The following OXNAD1 variants were observed in gnomAD, a reference collection of about 807,000 sequenced individuals.
OXNAD1 encodes the protein oxidoreductase NAD binding domain containing 1, also known as oxidoreductase NAD-binding domain-containing protein 1.
OXNAD1 carries 34 observed loss-of-function variants against 32.9 expected under a neutral mutation model. The observed-to-expected ratio is 1.03, with a 90% confidence interval of 0.79 to 1.38. The LOEUF is 1.38. Ranked by LOEUF, OXNAD1 falls within the 40% of genes most tolerant of loss-of-function variation. The pLI, the probability that OXNAD1 is intolerant of heterozygous loss-of-function variation, is 0.00. For missense variants in OXNAD1, 407 were observed against 379.4 expected (o/e 1.07, Z -0.60); for synonymous variants, 134 against 135.2 (o/e 0.99, Z 0.06).
chr3:16,330,897 T>C (rs887909638), intron 9 of OXNAD1, among the ~76,000 whole-genome samples: 1 of 152,238 alleles, frequency 6.6e-6, no homozygotes, highest in South Asian at 2.1e-4. Flanking sequence ...AATTCATAAA[T>C]TGGTCCAGTG....
intron 1 of OXNAD1, among the ~76,000 whole-genome samples, chr3:16,268,027 G>T (rs2064656498): frequency 6.6e-6 from 1 of 152,120 alleles, no homozygotes; most frequent in South Asian, 2.1e-4. Flanking sequence ...AGGCCTGTGA[G>T]GATACAGACA....
chr3:16,315,112 T>C (rs2068248331), intron 9 of OXNAD1: 1 of 134,094 alleles, frequency 7.5e-6, no homozygotes, highest in African/African-American at 2.5e-5. Flanking sequence ...TTACAAATGT[T>C]TGTGGTTTTG....
chr3:16,270,922 A>G (rs369662532), intron 2 of OXNAD1, 23 bp from the exon 3 acceptor site: 1 of 1,613,198 alleles, frequency 6.2e-7, no homozygotes, highest in Non-Finnish European at 8.5e-7. Context: ...ACAATTTGAA[A>G]TTTCAGTTTT....
At chr3:16,338,829 T>C (rs911987727), downstream of OXNAD1, among the ~76,000 whole-genome samples, 1 of 152,186 alleles carries the variant, frequency 6.6e-6, no homozygotes, top group Non-Finnish European at 1.5e-5. The surrounding 1 kb of genome is among the most constrained non-coding windows in gnomAD (Gnocchi z 5.3). Flanking sequence ...ATTAAAAAGT[T>C]GTTTATTTTG....
downstream of OXNAD1, among the ~76,000 whole-genome samples, chr3:16,340,441 A>C (rs898189253): frequency 3.3e-5 from 5 of 152,250 alleles, no homozygotes; most frequent in African/African-American, 1.2e-4. Flanking sequence ...TTCAGCTACC[A>C]GCTGACATAT....
Position 16,321,552 on chromosome 3 carries a change from G to A in OXNAD1, c.*31-15560G>A, listed in dbSNP as rs939330506. Reference sequence around the variant, plus strand: ...CTGAGGAGTGAGGAGGGGACACCCAGTGCAGAAGATTCTTCCAAGGAGTCT... The same window carrying A: ...CTGAGGAGTGAGGAGGGGACACCCAATGCAGAAGATTCTTCCAAGGAGTCT... On this transcript the variant is annotated intron_variant, in intron 9 of 9. Transcript: ENST00000435829. This position sits in a 1 kb window ranked among gnomAD's most constrained non-coding sequence, Gnocchi z 4.8. Among the ~76,000 whole-genome samples the A allele has an allele frequency of 6.6e-6, 1 of 152,184 alleles. No homozygotes were observed. Among genetic ancestry groups the A allele is most frequent in the African/African-American group, 2.4e-5 (1 of 41,418 alleles).
rs751738131 is a variant in OXNAD1 at position 16,301,679 on chromosome 3, C to T, written c.486C>T (p.Asp162=). Reference sequence around the variant, plus strand: ...GAGTGGGTGGAGAGTTCTTCTTTGACCCTCAGCCTGCGGATGCCTCTAGAA... The same window carrying T: ...GAGTGGGTGGAGAGTTCTTCTTTGATCCTCAGCCTGCGGATGCCTCTAGAA... ...AVRVGGEFFF[D]PQPADASRNL... The change falls in exon 7 of 9, where the codon GAC becomes GAT. Residue 162 remains aspartate (D), a synonymous_variant. Coordinates refer to ENST00000285083, the MANE Select transcript of OXNAD1 (RefSeq NM_138381.5). This position sits in a 1 kb window ranked among gnomAD's most constrained non-coding sequence, Gnocchi z 4.1. 3 of 1,613,880 alleles carry T rather than the reference C, an allele frequency of 1.9e-6. No homozygotes were observed. The highest frequency in any genetic ancestry group is 1.1e-5 in the South Asian group (1 of 91,078).
chr3:16,295,991 T>G (rs1294848311), intron 6 of OXNAD1, among the ~76,000 whole-genome samples: 1 of 152,148 alleles, frequency 6.6e-6, no homozygotes, highest in Non-Finnish European at 1.5e-5. Flanking sequence ...GTAGCAAATT[T>G]CATAGAGCAC....
At chr3:16,313,213 T>TC (rs1343513242) in intron 9 of OXNAD1, among the ~76,000 whole-genome samples, 1 of 148,458 alleles carries the variant, frequency 6.7e-6, no homozygotes, top group Non-Finnish European at 1.5e-5. Context: ...GGATTTTTTT[T>TC]TTTTTTTTTT....
Position 16,322,693 on chromosome 3 carries a change from G to A in OXNAD1, c.*31-14419G>A, listed in dbSNP as rs568450032. On this transcript the variant is annotated intron_variant, in intron 9 of 9. Coordinates refer to the OXNAD1 transcript ENST00000435829. This position sits in a 1 kb window ranked among gnomAD's most constrained non-coding sequence, Gnocchi z 6.2. ...CAAGGGTTGCCGACACTTGCACCTC[G>A]TACAGCCCTTGTGCTCAACCTTCAG... is the stretch of plus-strand genomic sequence containing the variant. 1.1e-3 allele frequency among the ~76,000 whole-genome samples: 164 copies of A among 152,288 alleles called. No homozygotes were observed. The highest frequency in any genetic ancestry group is 2.0e-3 in the Non-Finnish European group (134 of 68,028).
At chr3:16,349,099 A>T (rs778570263) in intron 9 of OXNAD1, 1 of 152,244 alleles carries the variant, frequency 6.6e-6, no homozygotes, top group South Asian at 2.1e-4. Flanking sequence ...CTTCCCCATC[A>T]TTATGGGAAG....
At chr3:16,313,970 C>G (rs1458632555) in intron 9 of OXNAD1, among the ~76,000 whole-genome samples, 1 of 152,162 alleles carries the variant, frequency 6.6e-6, no homozygotes, top group Non-Finnish European at 1.5e-5. Context: ...ACCCACTACC[C>G]TCTCCTGAGC....
At chr3:16,274,420 A>C (rs1362184797) in intron 4 of OXNAD1, among the ~76,000 whole-genome samples, 1 of 152,198 alleles carries the variant, frequency 6.6e-6, no homozygotes, top group East Asian at 1.9e-4. Flanking sequence ...ACTGGAATAA[A>C]ATTATAAAAG....
chr3:16,291,870 C>T (rs1293252578), intron 5 of OXNAD1, among the ~76,000 whole-genome samples: 1 of 152,136 alleles, frequency 6.6e-6, no homozygotes, highest in Non-Finnish European at 1.5e-5. Context: ...TATAAATGTT[C>T]CAATTTCTCC....
chr3:16,343,964 G>A (rs2071477559), intron 9 of OXNAD1, among the ~76,000 whole-genome samples: 1 of 152,194 alleles, frequency 6.6e-6, no homozygotes. Context: ...CCTCAAAAGT[G>A]AAGATCTGAG....
chr3:16,274,820 C>A (rs772951708), intron 4 of OXNAD1, among the ~76,000 whole-genome samples: 12 of 152,140 alleles, frequency 7.9e-5, no homozygotes, highest in Non-Finnish European at 1.6e-4. Flanking sequence ...ATTTATTCAC[C>A]GAATTTTAAC....
rs965808773 is a variant in OXNAD1 at position 16,288,619 on chromosome 3, G to A, written c.290+2171G>A. Among the ~76,000 whole-genome samples, 2 of 152,200 alleles carry A rather than the reference G, an allele frequency of 1.3e-5. No individual in the cohort carries two copies. The highest frequency in any genetic ancestry group is 6.5e-5 in the Admixed American group (1 of 15,276). On this transcript the variant is annotated intron_variant, in intron 5 of 8. Coordinates refer to ENST00000285083, the MANE Select transcript of OXNAD1 (RefSeq NM_138381.5). The surrounding 1 kb of genome is among the most constrained non-coding windows in gnomAD (Gnocchi z 5.1). ...GGCCTTGCAGAGAGGGCTGGTTCCT[G>A]TAGCAATAAACCAGTTCCAAGAACT...
chr3:16,285,662 C>T (rs1246716285), intron 4 of OXNAD1, among the ~76,000 whole-genome samples: 1 of 152,182 alleles, frequency 6.6e-6, no homozygotes, highest in East Asian at 1.9e-4. Flanking sequence ...AAAAATAGTG[C>T]TTCTCAAATT....
At chr3:16,350,005 G>A (rs912417249) in exon 10 of OXNAD1, 1 of 151,964 alleles carries the variant, frequency 6.6e-6, no homozygotes, top group African/African-American at 2.4e-5. Flanking sequence ...AGGGTAATGT[G>A]CTTTACTCTT....
Sources: gnomAD v4.1 joint callset for allele counts (sites outside exome capture counted in the v4.1 genomes callset) on GRCh38, gnomAD v4.1.1 for gene constraint, Gnocchi (gnomAD v3.1) non-coding constraint, MANE v1.5 for transcripts, NCBI Gene and HGNC (gene_info 2026-07-23, HGNC 2026-07-21) for gene names.